Variants in RASEF observed in about 807,000 individuals in gnomAD.
The protein encoded by RASEF is RAS and EF-hand domain containing.
RASEF carries 68 observed loss-of-function variants against 90.1 expected under a neutral mutation model. That is an observed-to-expected ratio of 0.75 (90% CI 0.62 to 0.92). The LOEUF (loss-of-function observed/expected upper bound fraction) is 0.92. Ranked by LOEUF, RASEF falls within the 40% of genes least tolerant of loss-of-function variation. The pLI, the probability that RASEF is intolerant of heterozygous loss-of-function variation, is 0.00. For synonymous variants in RASEF, 331 were observed against 345.2 expected, an observed-to-expected ratio of 0.96 and a Z score of 0.46; for missense variants, 949 against 937.2, an observed-to-expected ratio of 1.01 and a Z score of -0.16.
chr9:83,201,569 G>T, the RASEF span, among the ~76,000 whole-genome samples: 2 of 152,076 alleles, frequency 1.3e-5, no homozygotes, highest in Non-Finnish European at 2.9e-5. Context: ...GTATTATCAC[G>T]TGGACCAATA....
the RASEF span, among the ~76,000 whole-genome samples, chr9:83,174,123 T>C: frequency 1.3e-5 from 2 of 151,978 alleles, no homozygotes; most frequent in East Asian, 3.9e-4. Context: ...ACTTCCTTAA[T>C]GGTGTCCTTG....
chr9:83,163,696 A>G, the RASEF span, among the ~76,000 whole-genome samples: 1 of 152,180 alleles, frequency 6.6e-6, no homozygotes, highest in Non-Finnish European at 1.5e-5. Context: ...TACCAAAAAC[A>G]AAGACAACAG....
At position 83,062,943 on chromosome 9, in the gene RASEF, C is replaced by T; in HGVS notation, c.-76G>A. The T allele has an allele frequency of 7.5e-7, 1 of 1,336,790 alleles. No homozygotes were observed. The highest frequency in any genetic ancestry group is 1.8e-5 in the South Asian group (1 of 56,096). 82.8% of individuals were successfully genotyped at this position (1,336,790 alleles called of 1,614,324 possible). A position where few individuals can be genotyped will look rare whatever the true frequency, so the allele number is the denominator to read the frequency against. On this transcript the variant is annotated 5_prime_UTR_variant, in exon 1 of 17. The change creates a new upstream start codon in the 5' untranslated region. Transcript: ENST00000376447. ...GGCCCTCCCTGGAAGGACGGGGCCACCTGCTGCCGCCGGGAGGCCCGGCGA... is the reference window on the plus strand; with the variant it reads ...GGCCCTCCCTGGAAGGACGGGGCCATCTGCTGCCGCCGGGAGGCCCGGCGA...
chr9:83,081,836 G>T, the RASEF span, among the ~76,000 whole-genome samples: 1 of 152,156 alleles, frequency 6.6e-6, no homozygotes, highest in Non-Finnish European at 1.5e-5. Context: ...GACTCCTGAA[G>T]TACAGGCTTG....
chr9:83,170,392 C>T, the RASEF span, among the ~76,000 whole-genome samples: 1 of 151,654 alleles, frequency 6.6e-6, no homozygotes, highest in Non-Finnish European at 1.5e-5. Context: ...TTCAAGATTG[C>T]TTTGACCATT....
intron 3 of RASEF, among the ~76,000 whole-genome samples, chr9:83,017,995 A>C (rs2118539264): frequency 1.3e-5 from 2 of 152,340 alleles, no homozygotes; most frequent in Middle Eastern, 3.4e-3. Flanking sequence ...TCCATTCCTG[A>C]CTAAAACAAC....
the RASEF span, among the ~76,000 whole-genome samples, chr9:83,179,276 C>T: frequency 3.3e-5 from 5 of 152,084 alleles, no homozygotes; most frequent in Non-Finnish European, 7.4e-5. Flanking sequence ...AGTACACCTA[C>T]CATACTTGAG....
Position 83,007,479 on chromosome 9 carries a change from G to A in RASEF, c.986C>T (p.Thr329Ile), listed in dbSNP as rs762915019. ...CCTCTCAAGACTATTTCGATCTTCT[G>A]TGTATGCTCGGATTATTTCCAGATC... ...ERDLEIIRAY[T>I]EDRNSLERQI... The change falls in exon 7 of 17, where the codon ACA (threonine) becomes ATA (isoleucine). Residue 329 changes from threonine (T) to isoleucine (I), a missense_variant. Transcript: ENST00000376447. 2 of 1,613,002 alleles carry A rather than the reference G, an allele frequency of 1.2e-6. No homozygotes were observed. Among genetic ancestry groups the A allele is most frequent in the Non-Finnish European group, 8.5e-7 (1 of 1,178,986 alleles).
rs1241205867 is a variant in RASEF, at chr9:82,980,060, AT to A, written c.*2616del. 6.6e-6 allele frequency: 1 copy of A among 152,188 alleles called. No homozygotes were observed. Among genetic ancestry groups the A allele is most frequent in the Admixed American group, 6.5e-5 (1 of 15,278 alleles). The allele number at this position is 152,188 out of a possible 1,614,324, so 9.4% of individuals were successfully genotyped here. A position where few individuals can be genotyped will look rare whatever the true frequency, so the allele number is the denominator to read the frequency against. ...ATGGGCTAAAAGTTAACAGTGAAAA[AT>A]ATCTCCTTATCCAACATTATTTTCC... On this transcript the variant is annotated 3_prime_UTR_variant, in exon 17 of 17. Coordinates refer to ENST00000376447, the MANE Select transcript of RASEF (RefSeq NM_152573.4).
At chr9:83,037,233 T>C (rs1829758134) in intron 1 of RASEF, among the ~76,000 whole-genome samples, 1 of 152,134 alleles carries the variant, frequency 6.6e-6, no homozygotes, top group Non-Finnish European at 1.5e-5. Flanking sequence ...GAGAGCTGTG[T>C]ATATTGCCTG....
At chr9:83,164,785 T>C in the RASEF span, among the ~76,000 whole-genome samples, 6 of 151,898 alleles carry the variant, frequency 4.0e-5, no homozygotes, top group African/African-American at 1.2e-4. Flanking sequence ...AAGATGCAAA[T>C]TGATTAAAAC....
intron 1 of RASEF, among the ~76,000 whole-genome samples, chr9:83,058,464 G>A (rs1045401394): frequency 1.4e-5 from 2 of 147,940 alleles, no homozygotes; most frequent in Admixed American, 6.6e-5. Flanking sequence ...TTACAGGCGT[G>A]AGCCACCGCG....
chr9:83,144,639 G>A, the RASEF span, among the ~76,000 whole-genome samples: 2 of 152,100 alleles, frequency 1.3e-5, no homozygotes, highest in Admixed American at 6.6e-5. Flanking sequence ...ACCACACACA[G>A]GTGTGAAAGA....
intron 3 of RASEF, 51 bp downstream of exon 3, chr9:83,022,285 G>A (rs1172024126): frequency 6.4e-6 from 9 of 1,409,662 alleles, no homozygotes; most frequent in Non-Finnish European, 9.0e-6. Flanking sequence ...CCTCTCCGTA[G>A]AAACCACCTC....
the RASEF span, among the ~76,000 whole-genome samples, chr9:83,124,589 G>T: frequency 1.7e-3 from 254 of 152,292 alleles, 2 homozygotes; most frequent in East Asian, 7.2e-3. Flanking sequence ...ACAAACTGAA[G>T]ATTCTGGCTC....
At chr9:83,083,631 C>A in the RASEF span, among the ~76,000 whole-genome samples, 2 of 152,050 alleles carry the variant, frequency 1.3e-5, no homozygotes, top group African/African-American at 4.8e-5. Flanking sequence ...TGTAAAATGC[C>A]ATTAAGAATA....
the RASEF span, among the ~76,000 whole-genome samples, chr9:83,166,666 A>AC: frequency 6.6e-6 from 1 of 151,986 alleles, no homozygotes; most frequent in African/African-American, 2.4e-5. Flanking sequence ...CACCTACTGC[A>AC]CCCCCACCCC....
At chr9:83,026,054 G>T in intron 1 of RASEF, 133 bp from the exon 2 acceptor site, 1 of 673,660 alleles carries the variant, frequency 1.5e-6, no homozygotes, top group Non-Finnish European at 2.4e-6. Flanking sequence ...ATGAACGGAA[G>T]GAAGGGAAGA....
the RASEF span, among the ~76,000 whole-genome samples, chr9:83,185,523 C>T: frequency 1.5e-4 from 23 of 151,994 alleles, no homozygotes; most frequent in Admixed American, 2.6e-4. Context: ...GAAGAAAAGT[C>T]ACTTTGAAGC....
Sources: gnomAD v4.1 joint callset for allele counts (sites outside exome capture counted in the v4.1 genomes callset) on GRCh38, gnomAD v4.1.1 for gene constraint, MANE v1.5 for transcripts, NCBI Gene and HGNC (gene_info 2026-07-23, HGNC 2026-07-21) for gene names.